Variants in SLC6A12 observed in about 807,000 individuals in gnomAD.
SLC6A12 encodes the protein sodium- and chloride-dependent betaine transporter.
A neutral mutation model predicts 73.3 loss-of-function variants in SLC6A12; 50 were observed. That is an observed-to-expected ratio of 0.68 (90% CI 0.54 to 0.86). SLC6A12 has a LOEUF of 0.86. Ranked by LOEUF, SLC6A12 falls within the 40% of genes least tolerant of loss-of-function variation. The probability of loss-of-function intolerance (pLI) is 0.00; values close to 1 mark genes in which losing one functional copy is unlikely to be tolerated. For missense variants in SLC6A12, 648 were observed against 772.8 expected (o/e 0.84, Z 1.92); for synonymous variants, 304 against 309.2 (o/e 0.98, Z 0.18).
At chr12:200,312 G>T (rs564540950) in intron 7 of SLC6A12, among the ~76,000 whole-genome samples, 5 of 151,748 alleles carry the variant, frequency 3.3e-5, no homozygotes, top group East Asian at 1.9e-4. Flanking sequence ...GTTTTACCGT[G>T]TTAGCCAGGA....
downstream of SLC6A12, among the ~76,000 whole-genome samples, chr12:185,364 G>A (rs972822675): frequency 1.3e-5 from 2 of 152,236 alleles, no homozygotes; most frequent in African/African-American, 4.8e-5. Flanking sequence ...CTGTGCCCGT[G>A]TCTTAGTGAG....
rs757687676 is a variant in SLC6A12 at position 209,999 on chromosome 12, G to C, written c.-13C>G. On this transcript the variant is annotated 5_prime_UTR_variant, in exon 3 of 16. Transcript: ENST00000684302. Reference sequence around the variant, plus strand: ...CCTTCCCGTCCATGGCTGTGTGGTGGGTTGGGAAGCCCCGCTGGGTGGGCA... The same window carrying C: ...CCTTCCCGTCCATGGCTGTGTGGTGCGTTGGGAAGCCCCGCTGGGTGGGCA... 3 of 1,613,330 alleles carry C rather than the reference G, an allele frequency of 1.9e-6. No homozygotes were observed. The highest frequency in any genetic ancestry group is 2.5e-6 in the Non-Finnish European group (3 of 1,179,356).
downstream of SLC6A12, among the ~76,000 whole-genome samples, chr12:186,080 G>A (rs1591771672): frequency 6.6e-6 from 1 of 150,950 alleles, no homozygotes; most frequent in East Asian, 1.9e-4. Flanking sequence ...GGAGGGCTCT[G>A]GAGGGGTCAG....
At position 209,761 on chromosome 12, in the gene SLC6A12, A is replaced by G. The variant is rs759554766; in HGVS notation, c.214+12T>C. On this transcript the variant is annotated intron_variant, in intron 3 of 15. Transcript: ENST00000684302. ...AGCTCTCCCCACCATGCCTACCTCAAAGTGAACTCACCACCTCCGTTTTTG... is the reference window on the plus strand; with the variant it reads ...AGCTCTCCCCACCATGCCTACCTCAGAGTGAACTCACCACCTCCGTTTTTG... 10 of 1,614,026 alleles carry G rather than the reference A, an allele frequency of 6.2e-6. No homozygotes were observed. The East Asian group carries it at 1.1e-4, about 18-fold the overall frequency.
chr12:210,876 A>G (rs1040621468), intron 2 of SLC6A12, among the ~76,000 whole-genome samples: 5 of 152,158 alleles, frequency 3.3e-5, no homozygotes, highest in Non-Finnish European at 5.9e-5. Context: ...GCCCTCCTAG[A>G]GAGCCCAAAG....
chr12:191,122 C>T lies in SLC6A12; in HGVS notation c.1791G>A (p.Gly597=), dbSNP rs145416909. Residue 597 remains glycine, a synonymous_variant, in exon 16 of 16, where the codon GGG becomes GGA. Coordinates refer to ENST00000684302, the MANE Select transcript of SLC6A12 (RefSeq NM_001122848.3). ...CLDGSAGRNF[G]PSPTREGLIA... ...TCAGTCCTTCCCTTGTTGGGGAGGG[C>T]CCAAAGTTCCGGCCAGCACTGCCAT... The T allele has an allele frequency of 4.2e-5, 57 of 1,354,784 alleles. No homozygotes were observed. Among genetic ancestry groups the T allele is most frequent in the Non-Finnish European group, 5.3e-5 (55 of 1,039,788 alleles). 83.9% of individuals were successfully genotyped at this position (1,354,784 alleles called of 1,614,324 possible). A position where few individuals can be genotyped will look rare whatever the true frequency, so the allele number is the denominator to read the frequency against.
At chr12:186,966 G>T (rs1336883013), downstream of SLC6A12, among the ~76,000 whole-genome samples, 1 of 152,164 alleles carries the variant, frequency 6.6e-6, no homozygotes, top group Non-Finnish European at 1.5e-5. Context: ...GCACCCAAGG[G>T]CTCCTGTTCC....
At chr12:184,659 A>G in the SLC6A12 span, among the ~76,000 whole-genome samples, 1 of 152,284 alleles carries the variant, frequency 6.6e-6, no homozygotes, top group South Asian at 2.1e-4. Context: ...CTGAGGCAGG[A>G]GAATGGCGTG....
At chr12:186,382 G>A (rs1282163146), downstream of SLC6A12, among the ~76,000 whole-genome samples, 1 of 152,190 alleles carries the variant, frequency 6.6e-6, no homozygotes, top group East Asian at 1.9e-4. Context: ...CCAAGGATAG[G>A]TATTATCTAC....
chr12:192,998 AG>A, intron 14 of SLC6A12: 1 of 527,058 alleles, frequency 1.9e-6, no homozygotes, highest in South Asian at 2.5e-5. Flanking sequence ...AAGCTCAGAC[AG>A]ACAGGAGACC....
chr12:195,583 G>A (rs1939823722), intron 12 of SLC6A12, among the ~76,000 whole-genome samples: 1 of 152,144 alleles, frequency 6.6e-6, no homozygotes, highest in Admixed American at 6.5e-5. Flanking sequence ...TCCCCTTCTG[G>A]AAAGTGACAC....
At chr12:209,592 C>A in intron 3 of SLC6A12, 181 bp downstream of exon 3, 1 of 644,444 alleles carries the variant, frequency 1.6e-6, no homozygotes, top group Non-Finnish European at 2.8e-6. Flanking sequence ...GGTATTGTCC[C>A]CATTTCACAG....
At chr12:197,873 C>A (rs370961165) in intron 9 of SLC6A12, 27 bp downstream of exon 9, 14 of 1,399,790 alleles carry the variant, frequency 1.0e-5, no homozygotes, top group Admixed American at 8.4e-5. Context: ...CCCTCCTTCA[C>A]CCCACCCCGG....
At chr12:202,969 G>A in intron 4 of SLC6A12, 89 bp from the exon 5 acceptor site, 3 of 1,161,878 alleles carry the variant, frequency 2.6e-6, no homozygotes, top group East Asian at 2.4e-5. Flanking sequence ...AGGTTACAAG[G>A]GTATTGGGTG....
intron 13 of SLC6A12, among the ~76,000 whole-genome samples, chr12:194,541 A>T (rs1939772541): frequency 6.6e-6 from 1 of 151,516 alleles, no homozygotes; most frequent in Admixed American, 6.6e-5. Context: ...TCTGAGCCTC[A>T]CTCTCCCCCT....
chr12:187,379 T>G (rs994381248), downstream of SLC6A12, among the ~76,000 whole-genome samples: 1 of 151,940 alleles, frequency 6.6e-6, no homozygotes, highest in Non-Finnish European at 1.5e-5. Context: ...AGGTTCGTGG[T>G]CTCACCAGCT....
chr12:196,645 G>A lies in SLC6A12; in HGVS notation c.1188+125C>T, dbSNP rs1448681571. The A allele has an allele frequency of 1.9e-5, 14 of 736,266 alleles. No homozygotes were observed. The East Asian group carries it at 3.3e-4, about 18-fold the overall frequency. 45.6% of individuals were successfully genotyped at this position (736,266 alleles called of 1,614,324 possible). Reference sequence around the variant, plus strand: ...ACCCCCAACCCCAAGGAAAAGCCCTGGACAGCAGAGGGGGCCTCAGGTGTG... The same window carrying A: ...ACCCCCAACCCCAAGGAAAAGCCCTAGACAGCAGAGGGGGCCTCAGGTGTG... On this transcript the variant is annotated intron_variant, in intron 11 of 15. Coordinates refer to ENST00000684302, the MANE Select transcript of SLC6A12 (RefSeq NM_001122848.3).
Position 192,537 on chromosome 12 carries a change from C to A in SLC6A12, c.1642G>T (p.Val548Phe). The change falls in exon 15 of 16, where the codon GTC (valine) becomes TTC (phenylalanine). Residue 548 changes from valine to phenylalanine, a missense_variant. Coordinates refer to ENST00000684302, the MANE Select transcript of SLC6A12 (RefSeq NM_001122848.3). ...IGWFLALSSM[V>F]CVPLFVVITL... Reference sequence around the variant, plus strand: ...ATGACGACGAAGAGTGGGACACAGACCATGGAGGACAGAGCCAGGAACCAG... The same window carrying A: ...ATGACGACGAAGAGTGGGACACAGAACATGGAGGACAGAGCCAGGAACCAG... The A allele has an allele frequency of 1.2e-6, 2 of 1,614,062 alleles. No individual in the cohort carries two copies. The highest frequency in any genetic ancestry group is 2.2e-5 in the South Asian group (2 of 91,066).
At position 200,147 on chromosome 12, in the gene SLC6A12, C is replaced by T. The variant is rs532701460; in HGVS notation, c.711+504G>A. Among the ~76,000 whole-genome samples, 25 of 139,630 alleles carry T rather than the reference C, an allele frequency of 1.8e-4. No individual in the cohort carries two copies. The South Asian group carries it at 2.5e-3, about 14-fold the overall frequency. 91.6% of individuals were successfully genotyped at this position (139,630 alleles called of 152,430 possible). ...TTTTTTTGAGACGGAGTCTGGCTGT[C>T]GCCCAGGCTGGAGTGCAGTGGCGCT... On this transcript the variant is annotated intron_variant, in intron 7 of 15. Coordinates refer to ENST00000684302, the MANE Select transcript of SLC6A12 (RefSeq NM_001122848.3).
Sources: allele counts gnomAD v4.1 joint callset (sites outside exome capture counted in the v4.1 genomes callset), GRCh38; gene constraint gnomAD v4.1.1; transcripts MANE v1.5; gene names NCBI Gene and HGNC (gene_info 2026-07-23, HGNC 2026-07-21).